Variants in SLC44A5 observed in about 807,000 individuals in gnomAD.
The protein encoded by SLC44A5 is solute carrier family 44 member 5.
A neutral mutation model predicts 101.8 loss-of-function variants in SLC44A5; 57 were observed. The observed-to-expected ratio is 0.56, with a 90% CI of 0.45 to 0.70. The LOEUF (loss-of-function observed/expected upper bound fraction) is 0.70. Ranked by LOEUF, SLC44A5 falls within the 30% of genes least tolerant of loss-of-function variation. The probability of loss-of-function intolerance (pLI) is 0.00; values close to 1 mark genes in which losing one functional copy is unlikely to be tolerated. For missense variants in SLC44A5, 737 were observed against 853.1 expected (o/e 0.86, Z 1.70); for synonymous variants, 281 against 290.9 (o/e 0.97, Z 0.35).
At chr1:75,626,422 G>A in the SLC44A5 span, among the ~76,000 whole-genome samples, 1 of 152,080 alleles carries the variant, frequency 6.6e-6, no homozygotes, top group East Asian at 1.9e-4. Context: ...ATTGCTCATA[G>A]AAAAACAGTT....
chr1:75,408,263 G>A (rs1663037097), intron 2 of SLC44A5, among the ~76,000 whole-genome samples: 1 of 152,138 alleles, frequency 6.6e-6, no homozygotes, highest in Non-Finnish European at 1.5e-5. Flanking sequence ...CACTGTTGGT[G>A]GGAGTGTAAA....
rs777965736 is a variant in SLC44A5 at position 75,238,549 on chromosome 1, C to A, written c.620G>T (p.Gly207Val). 16 of 1,600,692 alleles carry A rather than the reference C, an allele frequency of 1.0e-5. No individual in the cohort carries two copies. Among genetic ancestry groups the A allele is most frequent in the Admixed American group, 1.7e-5 (1 of 57,880 alleles). ...CCCGAGTTCTACAACACTTCTTGTC[C>A]CTCCATTTCCATCTTGAAACATCAT... ...SKMMFQDGNG[G>V]TRSVVELGIA... Residue 207 changes from glycine (G) to valine (V), a missense_variant, in exon 10 of 24, where the codon GGG (glycine) becomes GTG (valine). Gly to Val is a moderately radical substitution (Grantham distance 109). Around this residue, in one of 3 missense-constraint regions of SLC44A5, gnomAD observed 665 missense variants for 764.4 expected, o/e 0.87. Transcript: ENST00000370859.
At chr1:75,587,994 A>G (rs181745646) in intron 1 of SLC44A5, among the ~76,000 whole-genome samples, 2 of 152,192 alleles carry the variant, frequency 1.3e-5, no homozygotes, top group African/African-American at 2.4e-5. Context: ...AGGCAAGCCA[A>G]TGTGAGAAAC....
the SLC44A5 span, among the ~76,000 whole-genome samples, chr1:75,689,222 G>A: frequency 3.3e-5 from 5 of 152,168 alleles, no homozygotes; most frequent in Admixed American, 6.6e-5. Flanking sequence ...ATACGGGGAT[G>A]ACATCCTTGT....
intron 1 of SLC44A5, among the ~76,000 whole-genome samples, chr1:75,608,851 T>A (rs892671798): frequency 1.3e-5 from 2 of 151,894 alleles, no homozygotes; most frequent in Admixed American, 6.6e-5. Context: ...TGGCCCACCA[T>A]CATCCCATGA....
At chr1:75,536,491 C>T (rs1314528352) in intron 2 of SLC44A5, among the ~76,000 whole-genome samples, 2 of 150,696 alleles carry the variant, frequency 1.3e-5, no homozygotes, top group African/African-American at 4.9e-5. Flanking sequence ...GTCCCAGCTA[C>T]TCCGGAGGCT....
intron 3 of SLC44A5, among the ~76,000 whole-genome samples, chr1:75,370,814 A>G (rs1660175470): frequency 1.3e-5 from 2 of 152,204 alleles, no homozygotes; most frequent in Admixed American, 1.3e-4. Flanking sequence ...AACAGGAGAA[A>G]AATGTAATTT....
At position 75,484,398 on chromosome 1, in the gene SLC44A5, T is replaced by C. The variant is rs553315958; in HGVS notation, c.13+57037A>G. ...AACCCAGTGGGGCAGTCATTAAATC[T>C]TAAAGCTCTAAAATGATCTTCTTTG... On this transcript the variant is annotated intron_variant, in intron 2 of 23. Coordinates refer to ENST00000370859, the MANE Select transcript of SLC44A5 (RefSeq NM_001130058.2). Among the ~76,000 whole-genome samples, 17 of 152,342 alleles carry C rather than the reference T, an allele frequency of 1.1e-4. No homozygotes were observed. In the East Asian group the frequency reaches 2.9e-3, roughly 26 times the overall value.
the SLC44A5 span, among the ~76,000 whole-genome samples, chr1:75,643,951 C>A: frequency 6.6e-6 from 1 of 152,200 alleles, no homozygotes; most frequent in Non-Finnish European, 1.5e-5. Flanking sequence ...AGCGTGTTCA[C>A]AGAACATTAA....
chr1:75,543,528 G>A (rs898911756), intron 1 of SLC44A5, among the ~76,000 whole-genome samples: 4 of 150,478 alleles, frequency 2.7e-5, no homozygotes, highest in Admixed American at 6.7e-5. Flanking sequence ...GACTGTTCTC[G>A]ATATTAAATT....
intron 1 of SLC44A5, among the ~76,000 whole-genome samples, chr1:75,573,309 A>G (rs1379030386): frequency 6.6e-6 from 1 of 151,912 alleles, no homozygotes; most frequent in Admixed American, 6.6e-5. Context: ...GCACCACTGA[A>G]CTCCAGACTG....
At chr1:75,594,710 T>C (rs905220428) in intron 1 of SLC44A5, among the ~76,000 whole-genome samples, 1 of 151,844 alleles carries the variant, frequency 6.6e-6, no homozygotes, top group Non-Finnish European at 1.5e-5. Context: ...CTAACATTTA[T>C]GAAGTTTTTA....
chr1:75,273,042 A>G (rs1009257079), intron 6 of SLC44A5, among the ~76,000 whole-genome samples: 1 of 152,014 alleles, frequency 6.6e-6, no homozygotes, highest in Non-Finnish European at 1.5e-5. Flanking sequence ...TCTCTGTGTC[A>G]TCTAGGATTT....
At chr1:75,422,323 G>A (rs1392070994) in intron 2 of SLC44A5, among the ~76,000 whole-genome samples, 1 of 152,172 alleles carries the variant, frequency 6.6e-6, no homozygotes, top group African/African-American at 2.4e-5. Context: ...GATCATAGGA[G>A]GCCGGAAGAG....
intron 2 of SLC44A5, among the ~76,000 whole-genome samples, chr1:75,496,681 A>G (rs545449157): frequency 2.0e-5 from 3 of 152,134 alleles, no homozygotes; most frequent in East Asian, 3.9e-4. Context: ...AGGAAACGAT[A>G]AGATGAAAAG....
intron 5 of SLC44A5, among the ~76,000 whole-genome samples, chr1:75,281,781 G>T (rs114779331): frequency 0.011 from 1,712 of 152,162 alleles, 48 homozygotes; most frequent in African/African-American, 0.039. Context: ...CTTCCATATG[G>T]TGTTGGTCCT....
At chr1:75,228,961 T>C (rs781531327) in intron 12 of SLC44A5, among the ~76,000 whole-genome samples, 38 of 151,868 alleles carry the variant, frequency 2.5e-4, no homozygotes, top group Admixed American at 9.8e-4. Context: ...TATTATTTTA[T>C]GCAGGCAAAG....
chr1:75,685,451 T>A, the SLC44A5 span, among the ~76,000 whole-genome samples: 3 of 152,210 alleles, frequency 2.0e-5, no homozygotes, highest in Non-Finnish European at 2.9e-5. Flanking sequence ...CTTTTAAATA[T>A]AAGTTTCAAT....
chr1:75,215,005 AAAAGGTTAAAT>A (rs1379152741), intron 19 of SLC44A5, among the ~76,000 whole-genome samples: 3 of 152,182 alleles, frequency 2.0e-5, no homozygotes, highest in African/African-American at 7.2e-5. Flanking sequence ...TTTATTGCTA[AAAAGGTTAAAT>A]ATTGTAGTCT....
Sources: allele counts gnomAD v4.1 joint callset (sites outside exome capture counted in the v4.1 genomes callset), GRCh38; gene constraint gnomAD v4.1.1; regional missense constraint gnomAD v4.1.1; transcripts MANE v1.5; gene names NCBI Gene and HGNC (gene_info 2026-07-23, HGNC 2026-07-21).